Variants in PTPRD observed in about 807,000 individuals in gnomAD.
The protein encoded by PTPRD is receptor-type tyrosine-protein phosphatase delta.
In PTPRD, 34 loss-of-function variants were observed where a neutral mutation model predicts 214.5. That is an observed-to-expected ratio of 0.16 (90% CI 0.12 to 0.21). The LOEUF (loss-of-function observed/expected upper bound fraction) is 0.21. Ranked by LOEUF, PTPRD falls within the 10% of genes least tolerant of loss-of-function variation. The pLI, the probability that PTPRD is intolerant of heterozygous loss-of-function variation, is 1.00. For missense variants in PTPRD, 2,545 were observed against 2,398.7 expected (o/e 1.06, Z -1.27); for synonymous variants, 1,128 against 845.7 (o/e 1.33, Z -5.79).
chr9:9,548,320 T>C (rs1439262410), intron 8 of PTPRD, among the ~76,000 whole-genome samples: 1 of 151,464 alleles, frequency 6.6e-6, no homozygotes, highest in Non-Finnish European at 1.5e-5. Context: ...AAATGTAAGC[T>C]AATCATTCAA....
At chr9:9,632,275 TTACAC>T (rs1411398459) in intron 7 of PTPRD, among the ~76,000 whole-genome samples, 2 of 152,202 alleles carry the variant, frequency 1.3e-5, no homozygotes, top group Admixed American at 1.3e-4. Flanking sequence ...CTTGAAAACA[TTACAC>T]TAAGGAAACA....
At position 8,534,722 on chromosome 9, in the gene PTPRD, T is replaced by G. The variant is rs2076519813; in HGVS notation, c.353-5943A>C. Among the ~76,000 whole-genome samples, 3 of 151,892 alleles carry G rather than the reference T, an allele frequency of 2.0e-5. No homozygotes were observed. The South Asian group carries it at 6.2e-4, about 31-fold the overall frequency. On this transcript the variant is annotated intron_variant, in intron 14 of 45. Transcript: ENST00000381196. ...TTTTCACGTGTCAGAGAATCAGTAG[T>G]GTTCTATGCAGCAGAAAGTCAGTGG...
chr9:9,398,956 A>C (rs767049019), intron 8 of PTPRD, among the ~76,000 whole-genome samples: 12 of 152,058 alleles, frequency 7.9e-5, no homozygotes, highest in Non-Finnish European at 1.8e-4. Flanking sequence ...GACTCTGCCT[A>C]TATGAAGCAT....
chr9:8,965,371 C>T (rs1229145448), intron 11 of PTPRD, among the ~76,000 whole-genome samples: 1 of 146,416 alleles, frequency 6.8e-6, no homozygotes, highest in African/African-American at 2.6e-5. Flanking sequence ...CAGAGCAATA[C>T]TCTGCTTCAG....
intron 8 of PTPRD, among the ~76,000 whole-genome samples, chr9:9,502,822 C>G (rs888838331): frequency 2.6e-5 from 4 of 151,818 alleles, no homozygotes; most frequent in Non-Finnish European, 5.9e-5. Flanking sequence ...AAGCTACATG[C>G]AAAAGAATAT....
intron 4 of PTPRD, among the ~76,000 whole-genome samples, chr9:9,981,408 G>A (rs571570465): frequency 6.7e-6 from 1 of 150,032 alleles, no homozygotes; most frequent in South Asian, 2.1e-4. Flanking sequence ...AGGCTGGAGT[G>A]CAGTGGCACG....
intron 4 of PTPRD, among the ~76,000 whole-genome samples, chr9:9,964,933 A>G (rs530941179): frequency 6.6e-6 from 1 of 152,096 alleles, no homozygotes; most frequent in Non-Finnish European, 1.5e-5. Context: ...TTTTGTCCTA[A>G]TTTTTCTTCT....
chr9:9,678,040 C>A (rs549386241), intron 7 of PTPRD, among the ~76,000 whole-genome samples: 1 of 152,070 alleles, frequency 6.6e-6, no homozygotes, highest in East Asian at 1.9e-4. Flanking sequence ...TCAAGGAGAA[C>A]TACAAATCAC....
intron 30 of PTPRD, among the ~76,000 whole-genome samples, chr9:8,473,034 A>G (rs1054712157): frequency 6.6e-6 from 1 of 152,200 alleles, no homozygotes; most frequent in African/African-American, 2.4e-5. Flanking sequence ...ACTGGCTAGT[A>G]TGAACATCAC....
At chr9:9,901,813 T>C (rs7866138) in intron 5 of PTPRD, among the ~76,000 whole-genome samples, 44,976 of 152,038 alleles carry the variant, frequency 0.3, 8,336 homozygotes, top group East Asian at 0.57. Flanking sequence ...AGAAGGCAAA[T>C]GGCAAGCAAG....
At chr9:8,727,885 A>C (rs76866263) in intron 12 of PTPRD, among the ~76,000 whole-genome samples, 5,533 of 152,242 alleles carry the variant, frequency 0.036, 130 homozygotes, top group Non-Finnish European at 0.053. Context: ...CTCCCATTTA[A>C]AGTATACAAT....
intron 5 of PTPRD, among the ~76,000 whole-genome samples, chr9:9,886,089 T>C (rs2070789361): frequency 6.6e-6 from 1 of 151,832 alleles, no homozygotes; most frequent in Non-Finnish European, 1.5e-5. Context: ...AGAATGAGAA[T>C]GTTTCTCATT....
At chr9:9,763,438 C>T (rs1331924766) in intron 6 of PTPRD, among the ~76,000 whole-genome samples, 5 of 148,280 alleles carry the variant, frequency 3.4e-5, no homozygotes, top group Non-Finnish European at 7.4e-5. Flanking sequence ...TATTATTTCA[C>T]AATTTGTCCT....
chr9:10,097,336 C>A (rs1453028377), intron 3 of PTPRD, among the ~76,000 whole-genome samples: 1 of 119,550 alleles, frequency 8.4e-6, no homozygotes, highest in African/African-American at 3.6e-5. Context: ...GGCAGTATGG[C>A]CATTTTCACA....
intron 26 of PTPRD, among the ~76,000 whole-genome samples, chr9:8,496,175 C>G: frequency 1.1e-5 from 1 of 87,410 alleles, no homozygotes; most frequent in Admixed American, 1.0e-4. Flanking sequence ...CTCTCCAACA[C>G]ACACACACAC....
chr9:10,319,219 T>C (rs1247389111), intron 3 of PTPRD, among the ~76,000 whole-genome samples: 3 of 152,104 alleles, frequency 2.0e-5, no homozygotes, highest in Non-Finnish European at 2.9e-5. Context: ...TTAATCAGTC[T>C]CTGAAACTGT....
At chr9:10,577,535 C>A (rs2069855770) in intron 2 of PTPRD, among the ~76,000 whole-genome samples, 1 of 152,192 alleles carries the variant, frequency 6.6e-6, no homozygotes, top group Non-Finnish European at 1.5e-5. Context: ...TAAGCCCTAC[C>A]AACATCTTTC....
chr9:9,220,870 A>C (rs1234639837), intron 9 of PTPRD, among the ~76,000 whole-genome samples: 1 of 152,106 alleles, frequency 6.6e-6, no homozygotes, highest in African/African-American at 2.4e-5. Flanking sequence ...CTTTTACTGA[A>C]GAGGTACTAC....
intron 11 of PTPRD, among the ~76,000 whole-genome samples, chr9:8,797,692 G>A (rs889531065): frequency 3.9e-5 from 6 of 152,110 alleles, no homozygotes; most frequent in African/African-American, 1.2e-4. Flanking sequence ...CTCACCAGGA[G>A]CAAAAGCTGA....
Sources: gnomAD v4.1 joint callset for allele counts (sites outside exome capture counted in the v4.1 genomes callset) on GRCh38, gnomAD v4.1.1 for gene constraint, MANE v1.5 for transcripts, NCBI Gene and HGNC (gene_info 2026-07-23, HGNC 2026-07-21) for gene names.